The following ACYP2 variants were observed in gnomAD, a reference collection of about 807,000 sequenced individuals.
ACYP2 encodes the protein acylphosphatase-2.
Under a neutral mutation model 11.2 loss-of-function variants are expected in ACYP2, and 12 were observed. The observed-to-expected ratio is 1.08, with a 90% CI of 0.69 to 1.74. The LOEUF is 1.74. Ranked by LOEUF, ACYP2 falls within the 40% of genes most tolerant of loss-of-function variation. ACYP2 has a pLI of 0.00. For synonymous variants in ACYP2, 43 were observed against 32.2 expected (o/e 1.33, Z -1.13); for missense variants, 134 against 101.9 (o/e 1.31, Z -1.35).
intron 6 of ACYP2, among the ~76,000 whole-genome samples, chr2:54,219,685 C>T (rs1025391548): frequency 4.6e-5 from 7 of 151,978 alleles, no homozygotes; most frequent in Admixed American, 2.6e-4. Context: ...GTGAGGCGAT[C>T]TCAGCTCACT....
chr2:54,028,609 C>A (rs1196423902), intron 2 of ACYP2, among the ~76,000 whole-genome samples: 1 of 152,188 alleles, frequency 6.6e-6, no homozygotes, highest in Non-Finnish European at 1.5e-5. Flanking sequence ...TGTCAACACA[C>A]CTGGATGGAC....
At chr2:54,212,932 G>C (rs1004143910) in intron 6 of ACYP2, among the ~76,000 whole-genome samples, 1 of 149,560 alleles carries the variant, frequency 6.7e-6, no homozygotes, top group Admixed American at 6.6e-5. Flanking sequence ...TAAATGTCAT[G>C]GCTGTTTTTT....
At chr2:54,115,549 G>A (rs1679700762) in intron 4 of ACYP2, 66 bp from the exon 1 acceptor site, 4 of 1,517,490 alleles carry the variant, frequency 2.6e-6, no homozygotes, top group African/African-American at 1.4e-5. Context: ...TGCCGCTTCC[G>A]ACGCGTGACC....
chr2:54,191,893 C>T lies in ACYP2; in HGVS notation c.404+53145C>T, dbSNP rs995906700. 3.9e-5 allele frequency among the ~76,000 whole-genome samples: 6 copies of T among 152,148 alleles called. No individual in the cohort carries two copies. The East Asian group carries it at 1.2e-3, about 29-fold the overall frequency. The stretch of plus-strand genomic sequence containing the variant: ...AATAAACATATGTAGACAGGTTTGC[C>T]TATTATCTGTCCACCCACAGGAATG... On this transcript the variant is annotated intron_variant, in intron 6 of 6. Coordinates refer to ENST00000607452, the MANE Select transcript of ACYP2 (RefSeq NM_001320586.2).
chr2:54,050,202 T>A (rs1675768151), intron 2 of ACYP2, among the ~76,000 whole-genome samples: 1 of 152,168 alleles, frequency 6.6e-6, no homozygotes, highest in African/African-American at 2.4e-5. Flanking sequence ...GTCTAAAAAA[T>A]GACATTTAAT....
At chr2:54,281,038 G>A (rs1688828128) in intron 6 of ACYP2, among the ~76,000 whole-genome samples, 1 of 152,094 alleles carries the variant, frequency 6.6e-6, no homozygotes. Context: ...ACTTATAAAT[G>A]GAAATAATAA....
intron 2 of ACYP2, among the ~76,000 whole-genome samples, chr2:54,022,945 A>G (rs1479857344): frequency 6.6e-6 from 1 of 152,236 alleles, no homozygotes; most frequent in Non-Finnish European, 1.5e-5. Context: ...ACCTAGTGTT[A>G]AAACACACAG....
At chr2:54,141,872 C>T (rs937755452) in intron 6 of ACYP2, 4 of 637,066 alleles carry the variant, frequency 6.3e-6, no homozygotes, top group Non-Finnish European at 1.2e-5. Context: ...GGGTCTTGCT[C>T]TCTCTCCTAG....
At chr2:54,037,671 G>A (rs1674983896) in intron 2 of ACYP2, among the ~76,000 whole-genome samples, 2 of 151,884 alleles carry the variant, frequency 1.3e-5, no homozygotes, top group Admixed American at 1.3e-4. Context: ...CCCTCCCAAA[G>A]TGCTGGGATT....
intron 2 of ACYP2, among the ~76,000 whole-genome samples, chr2:54,038,666 T>A (rs1200507516): frequency 8.3e-6 from 1 of 121,072 alleles, no homozygotes; most frequent in Non-Finnish European, 1.7e-5. Flanking sequence ...TAAATCTTTA[T>A]TGAATACTAT....
chr2:54,171,895 C>G (rs1466867176), intron 6 of ACYP2, among the ~76,000 whole-genome samples: 1 of 152,058 alleles, frequency 6.6e-6, no homozygotes, highest in Non-Finnish European at 1.5e-5. Flanking sequence ...TTTCCCTGTA[C>G]TAATTGGAAT....
At chr2:54,095,039 C>CG (rs1491432859) in intron 4 of ACYP2, among the ~76,000 whole-genome samples, 13,942 of 147,900 alleles carry the variant, frequency 0.094, 769 homozygotes, top group East Asian at 0.27. Context: ...TGCGGCCTTC[C>CG]GCGGTGTTTG....
intron 4 of ACYP2, among the ~76,000 whole-genome samples, chr2:54,059,779 A>C (rs994680064): frequency 1.3e-5 from 2 of 152,212 alleles, no homozygotes; most frequent in Non-Finnish European, 2.9e-5. Flanking sequence ...GCAAGAGTGC[A>C]TGGATGCCTT....
chr2:54,252,161 G>T (rs1364319581), intron 6 of ACYP2, among the ~76,000 whole-genome samples: 1 of 152,156 alleles, frequency 6.6e-6, no homozygotes, highest in East Asian at 1.9e-4. Context: ...ATACATAAAA[G>T]AATTATATAG....
At chr2:54,293,524 C>G (rs1292669109) in intron 6 of ACYP2, among the ~76,000 whole-genome samples, 1 of 152,206 alleles carries the variant, frequency 6.6e-6, no homozygotes, top group Non-Finnish European at 1.5e-5. Context: ...CTGCCAAGAC[C>G]AAGAGGTCTC....
intron 2 of ACYP2, chr2:54,029,799 T>C (rs372489090): frequency 1.8e-6 from 1 of 566,430 alleles, no homozygotes; most frequent in African/African-American, 1.9e-5. Context: ...ATGGTGACAC[T>C]TGGGGGGCAT....
At chr2:54,082,939 G>A (rs1253483824) in intron 4 of ACYP2, among the ~76,000 whole-genome samples, 2 of 152,066 alleles carry the variant, frequency 1.3e-5, no homozygotes, top group Admixed American at 6.6e-5. Flanking sequence ...GCTGGGCTTG[G>A]TGGTGAGCAT....
At chr2:54,148,949 T>C (rs1682023336) in intron 6 of ACYP2, among the ~76,000 whole-genome samples, 1 of 152,184 alleles carries the variant, frequency 6.6e-6, no homozygotes, top group Non-Finnish European at 1.5e-5. Context: ...CAATTACTTT[T>C]GCACCAACCT....
intron 2 of ACYP2, among the ~76,000 whole-genome samples, chr2:54,039,777 A>G (rs1675121573): frequency 7.0e-6 from 1 of 142,354 alleles, no homozygotes; most frequent in East Asian, 2.1e-4. Flanking sequence ...TTATGTTTTT[A>G]TCGGTGTCAC....
Sources: allele counts gnomAD v4.1 joint callset (sites outside exome capture counted in the v4.1 genomes callset), GRCh38; gene constraint gnomAD v4.1.1; transcripts MANE v1.5; gene names NCBI Gene and HGNC (gene_info 2026-07-23, HGNC 2026-07-21).